Variants in CFAP92 observed in about 807,000 individuals in gnomAD.
CFAP92 encodes the protein cilia and flagella associated protein 92 (putative).
CFAP92 carries 86 observed loss-of-function variants against 106.3 expected under a neutral mutation model. The observed-to-expected ratio is 0.81, with a 90% CI of 0.68 to 0.97. The LOEUF (loss-of-function observed/expected upper bound fraction) is 0.97. Among genes scored for constraint, CFAP92 ranks in the 50% least tolerant of loss-of-function variants. CFAP92 has a pLI of 0.00. For missense variants in CFAP92, 1,204 were observed against 1,283.8 expected (o/e 0.94, Z 0.95); for synonymous variants, 477 against 506.4 (o/e 0.94, Z 0.78).
chr3:128,999,531 C>CTTTTTTT (rs5852556), intron 1 of CFAP92, among the ~76,000 whole-genome samples: 11 of 71,594 alleles, frequency 1.5e-4, no homozygotes, highest in Middle Eastern at 0.013. Context: ...AAATCAGGTT[C>CTTTTTTT]TTTTTTTTTT....
At chr3:128,920,379 G>A (rs1329098960) in intron 12 of CFAP92, among the ~76,000 whole-genome samples, 1 of 152,000 alleles carries the variant, frequency 6.6e-6, no homozygotes, top group Non-Finnish European at 1.5e-5. Flanking sequence ...ACTCTAGCCT[G>A]GGCCACAGAG....
upstream of CFAP92, chr3:128,994,129 C>T (rs1300936368): frequency 2.0e-6 from 2 of 985,792 alleles, no homozygotes; most frequent in Non-Finnish European, 2.4e-6. Context: ...CACTCAGCTA[C>T]GTTTGGCGGT....
chr3:128,973,719 T>G (rs1420164536), intron 7 of CFAP92, among the ~76,000 whole-genome samples: 8 of 149,478 alleles, frequency 5.4e-5, no homozygotes, highest in Non-Finnish European at 1.0e-4. Flanking sequence ...CATCTAGCAA[T>G]GGGGTCGAGG....
rs780008738 is a variant in CFAP92, at chr3:128,932,837, G to T, written c.2614C>A (p.Pro872Thr). Reference protein sequence around the residue: ...DEKLFALPPQPAPNLEDYHSR... With the variant: ...DEKLFALPPQTAPNLEDYHSR... The stretch of plus-strand genomic sequence containing the variant: ...TGGTAGTCCTCAAGATTGGGGGCAG[G>T]CTGAGGTGGTAGGGCAAACAGTTTC... The change falls in exon 12 of 16, where the codon CCT becomes ACT. Residue 872 changes from proline (P) to threonine (T), a missense_variant. Physicochemically the swap from Pro to Thr is conservative, Grantham distance 38. Transcript: ENST00000645291. 3.3e-6 allele frequency: 5 copies of T among 1,536,258 alleles called. No individual in the cohort carries two copies. Among genetic ancestry groups the T allele is most frequent in the Non-Finnish European group, 4.4e-6 (5 of 1,146,924 alleles).
chr3:128,918,770 G>T (rs1937025266), intron 12 of CFAP92, among the ~76,000 whole-genome samples: 1 of 151,980 alleles, frequency 6.6e-6, no homozygotes, highest in Non-Finnish European at 1.5e-5. Flanking sequence ...TGGTCTTCAG[G>T]ATAACCACCT....
At chr3:128,958,748 A>G (rs111694215) in intron 9 of CFAP92, among the ~76,000 whole-genome samples, 3,080 of 152,092 alleles carry the variant, frequency 0.02, 104 homozygotes, top group African/African-American at 0.068. Context: ...AAAAAATACA[A>G]AAACTAGCTG....
intron 12 of CFAP92, among the ~76,000 whole-genome samples, chr3:128,921,934 G>A (rs1052168304): frequency 6.6e-6 from 1 of 152,204 alleles, no homozygotes; most frequent in Admixed American, 6.5e-5. Flanking sequence ...CCCCACGGGT[G>A]TTAGGGAACC....
intron 9 of CFAP92, among the ~76,000 whole-genome samples, chr3:128,948,875 G>A (rs562890723): frequency 6.6e-6 from 1 of 152,258 alleles, no homozygotes; most frequent in African/African-American, 2.4e-5. Context: ...CAGTAAGACA[G>A]TAAACAACCC....
chr3:128,924,845 G>C (rs1462166145), intron 12 of CFAP92, among the ~76,000 whole-genome samples: 1 of 152,214 alleles, frequency 6.6e-6, no homozygotes, highest in Non-Finnish European at 1.5e-5. Flanking sequence ...CACAGCTATA[G>C]ATCATGTGCT....
intron 9 of CFAP92, among the ~76,000 whole-genome samples, chr3:128,951,908 A>G (rs971332842): frequency 1.3e-5 from 2 of 152,054 alleles, no homozygotes; most frequent in Admixed American, 1.3e-4. Context: ...CCAACCCTCA[A>G]TGGAAATGAA....
chr3:129,003,701 T>C, upstream of CFAP92: 3 of 1,172,744 alleles, frequency 2.6e-6, no homozygotes, highest in South Asian at 7.1e-5. Flanking sequence ...CGCTTCTGGG[T>C]GCAGAGGCAT....
intron 9 of CFAP92, among the ~76,000 whole-genome samples, chr3:128,962,752 G>C (rs1452834963): frequency 6.6e-6 from 1 of 152,070 alleles, no homozygotes; most frequent in African/African-American, 2.4e-5. Flanking sequence ...GCTACAGCAC[G>C]GGCTTCTAAA....
chr3:128,935,431 G>A lies in CFAP92; in HGVS notation c.2259-112C>T. 3 of 656,334 alleles carry A rather than the reference G, an allele frequency of 4.6e-6. No homozygotes were observed. The South Asian group carries it at 8.8e-5, about 19-fold the overall frequency. 40.7% of individuals were successfully genotyped at this position (656,334 alleles called of 1,614,324 possible). ...ATGTTATTTAAAAACAAACCCAGGG[G>A]CCGGGTATGGTGACTCACGCCTATA... On this transcript the variant is annotated intron_variant, in intron 10 of 15. Coordinates refer to ENST00000645291, the MANE Select transcript of CFAP92 (RefSeq NM_001394090.1).
In CFAP92 at chr3:128,910,735, T is replaced by C. The variant is rs1936197167; in HGVS notation, c.3281-402A>G. The C allele has an allele frequency of 6.2e-7, 1 of 1,614,124 alleles. No individual in the cohort carries two copies. Among genetic ancestry groups the C allele is most frequent in the African/African-American group, 1.3e-5 (1 of 74,948 alleles). ...GGCATATCTTTTCTGTCCTCGGTTC[T>C]GGCAGGTTCTCTTGGCCAACACCTT... On this transcript the variant is annotated intron_variant, in intron 15 of 15. Coordinates refer to ENST00000645291, the MANE Select transcript of CFAP92 (RefSeq NM_001394090.1).
At chr3:128,922,920 A>C (rs1012771699) in intron 12 of CFAP92, among the ~76,000 whole-genome samples, 4 of 152,250 alleles carry the variant, frequency 2.6e-5, no homozygotes, top group Non-Finnish European at 4.4e-5. Flanking sequence ...CTGTTGCACA[A>C]GAAGGATAAG....
In CFAP92 at chr3:128,937,258, G is replaced by A. The variant is rs149484076; in HGVS notation, c.2259-1939C>T. 9.4e-5 allele frequency among the ~76,000 whole-genome samples: 14 copies of A among 148,252 alleles called. No homozygotes were observed. The East Asian group carries it at 2.2e-3, about 23-fold the overall frequency. The stretch of plus-strand genomic sequence containing the variant: ...AGAGGTTGCAGTGAGCCCTTGTACC[G>A]CTGCAGTGAGCCTTTGTACCACTCA... On this transcript the variant is annotated intron_variant, in intron 10 of 15. Transcript: ENST00000645291.
At chr3:128,972,505 G>A (rs1942872543) in intron 7 of CFAP92, among the ~76,000 whole-genome samples, 1 of 151,900 alleles carries the variant, frequency 6.6e-6, no homozygotes, top group Non-Finnish European at 1.5e-5. Context: ...GCCTCCCAAA[G>A]TGCTAGGATT....
chr3:129,001,955 C>A lies in CFAP92; in HGVS notation n.117+619G>T, dbSNP rs753330341. On this transcript the variant is annotated intron_variant and non_coding_transcript_variant, in intron 1 of 4. Coordinates refer to the CFAP92 transcript ENST00000510149. Reference sequence around the variant, plus strand: ...GTGACGGGAACTCCAGAGATGTGACCCCCGGGGATGCGGCCGCTGAGTTGG... The same window carrying A: ...GTGACGGGAACTCCAGAGATGTGACACCCGGGGATGCGGCCGCTGAGTTGG... The A allele has an allele frequency of 3.1e-5, 48 of 1,544,062 alleles. No homozygotes were observed. The South Asian group carries it at 5.7e-4, about 18-fold the overall frequency.
At chr3:129,000,844 G>GAGAGCAGTTAGCAC (rs1944693688) in intron 1 of CFAP92, among the ~76,000 whole-genome samples, 1 of 152,180 alleles carries the variant, frequency 6.6e-6, no homozygotes, top group Non-Finnish European at 1.5e-5. Context: ...GGGATCGGGA[G>GAGAGCAGTTAGCAC]AGAGCAGTTA....
Sources: allele counts gnomAD v4.1 joint callset (sites outside exome capture counted in the v4.1 genomes callset), GRCh38; gene constraint gnomAD v4.1.1; transcripts MANE v1.5; gene names NCBI Gene and HGNC (gene_info 2026-07-23, HGNC 2026-07-21).